The following NDST4 variants were observed in gnomAD, a reference collection of about 807,000 sequenced individuals.
The protein encoded by NDST4 is N-heparan sulfate sulfotransferase 4.
Under a neutral mutation model 100.8 loss-of-function variants are expected in NDST4, and 63 were observed. That is an observed-to-expected ratio of 0.62 (90% CI 0.51 to 0.77). NDST4 has a LOEUF of 0.77. NDST4 is among the 30% of genes least tolerant of loss of function. The pLI, the probability that NDST4 is intolerant of heterozygous loss-of-function variation, is 0.00. For missense variants in NDST4, 943 were observed against 1,018.4 expected (o/e 0.93, Z 1.01); for synonymous variants, 377 against 361.8 (o/e 1.04, Z -0.48).
At chr4:114,998,021 C>T (rs1727203650) in intron 2 of NDST4, among the ~76,000 whole-genome samples, 1 of 152,042 alleles carries the variant, frequency 6.6e-6, no homozygotes, top group African/African-American at 2.4e-5. Flanking sequence ...TCTAGGTATC[C>T]TCCACTGATG....
At chr4:114,867,665 C>CAAAAAAAAAAAAAAAAAAAAGAAAA in intron 7 of NDST4, among the ~76,000 whole-genome samples, 2 of 79,900 alleles carry the variant, frequency 2.5e-5, no homozygotes, top group African/African-American at 9.8e-5. Context: ...AAAAAAAAAG[C>CAAAAAAAAAAAAAAAAAAAAGAAAA]AAAAAAAAAA....
At chr4:114,833,771 T>C (rs1560769662) in intron 11 of NDST4, 56 bp from the exon 12 acceptor site, 8 of 1,100,028 alleles carry the variant, frequency 7.3e-6, no homozygotes, top group Non-Finnish European at 1.1e-5. Context: ...GAATAGACTG[T>C]GATGCCTTCC....
At position 115,033,136 on chromosome 4, in the gene NDST4, T is replaced by C. The variant is rs1208941983; in HGVS notation, c.978+42923A>G. ...CAAAAATTATATATATATGTGTATA[T>C]ATATATATATATATATATATATTTT... On this transcript the variant is annotated intron_variant, in intron 2 of 13. Transcript: ENST00000264363. 2.1e-4 allele frequency among the ~76,000 whole-genome samples: 18 copies of C among 86,890 alleles called. No homozygotes were observed. In the South Asian group the frequency reaches 7.5e-3, roughly 36 times the overall value. The allele number at this position is 86,890 out of a possible 152,430, so 57.0% of individuals were successfully genotyped here.
At chr4:114,920,920 C>A (rs1449323534) in intron 6 of NDST4, among the ~76,000 whole-genome samples, 2 of 152,130 alleles carry the variant, frequency 1.3e-5, no homozygotes, top group African/African-American at 4.8e-5. Flanking sequence ...TTAAATTCAT[C>A]TCAGCCCTCT....
At chr4:115,072,841 T>C (rs1319129353) in intron 2 of NDST4, among the ~76,000 whole-genome samples, 2 of 151,772 alleles carry the variant, frequency 1.3e-5, no homozygotes, top group Non-Finnish European at 2.9e-5. Flanking sequence ...TGGAATTACA[T>C]CAAGCAAAAA....
chr4:114,900,450 G>C (rs1197757702), intron 6 of NDST4, among the ~76,000 whole-genome samples: 4 of 152,166 alleles, frequency 2.6e-5, no homozygotes, highest in African/African-American at 9.6e-5. Context: ...ACATAACAGT[G>C]TTTTAGTCAA....
chr4:114,851,261 A>T (rs1723670128), intron 8 of NDST4, among the ~76,000 whole-genome samples: 1 of 152,194 alleles, frequency 6.6e-6, no homozygotes, highest in South Asian at 2.1e-4. Context: ...AAGAAGAACA[A>T]ACTATGACTT....
At chr4:115,025,589 C>T (rs1417467845) in intron 2 of NDST4, among the ~76,000 whole-genome samples, 1 of 151,990 alleles carries the variant, frequency 6.6e-6, no homozygotes, top group Non-Finnish European at 1.5e-5. Context: ...TTCATAATGG[C>T]CATAATCAGA....
chr4:115,070,572 A>G (rs186181669), intron 2 of NDST4, among the ~76,000 whole-genome samples: 1 of 152,274 alleles, frequency 6.6e-6, no homozygotes, highest in East Asian at 1.9e-4. Flanking sequence ...ATATATCTTG[A>G]GTTTTTAGGT....
chr4:115,006,837 A>G (rs1727430248), intron 2 of NDST4, among the ~76,000 whole-genome samples: 1 of 152,112 alleles, frequency 6.6e-6, no homozygotes, highest in African/African-American at 2.4e-5. Context: ...GCACCTTGGG[A>G]ACACTTAATG....
chr4:114,949,148 C>T (rs1725934021), intron 4 of NDST4, among the ~76,000 whole-genome samples: 2 of 151,942 alleles, frequency 1.3e-5, no homozygotes, highest in African/African-American at 4.8e-5. Flanking sequence ...TTATTGACCA[C>T]TTCAAGAATC....
At chr4:114,842,590 G>A (rs1388260111) in intron 10 of NDST4, 4 of 173,848 alleles carry the variant, frequency 2.3e-5, no homozygotes, top group Admixed American at 7.4e-5. Context: ...AGGAGATTGG[G>A]GAAAACACGA....
chr4:114,999,391 T>C (rs1727234040), intron 2 of NDST4, among the ~76,000 whole-genome samples: 1 of 152,102 alleles, frequency 6.6e-6, no homozygotes, highest in Non-Finnish European at 1.5e-5. Flanking sequence ...AATACTCATA[T>C]CTACTTCCTA....
intron 2 of NDST4, among the ~76,000 whole-genome samples, chr4:115,026,046 C>T (rs1007663790): frequency 3.9e-5 from 6 of 151,960 alleles, no homozygotes; most frequent in African/African-American, 1.4e-4. Flanking sequence ...TATTTAGAGC[C>T]CTTTTCCTCC....
chr4:114,902,248 C>T (rs980143269), intron 6 of NDST4, among the ~76,000 whole-genome samples: 1 of 151,940 alleles, frequency 6.6e-6, no homozygotes, highest in East Asian at 1.9e-4. Flanking sequence ...AAAATTTTTT[C>T]GCACATGTCT....
chr4:114,852,766 T>G lies in NDST4; in HGVS notation c.1775A>C (p.Asp592Ala), dbSNP rs199534646. 2 of 1,612,830 alleles carry G rather than the reference T, an allele frequency of 1.2e-6. No homozygotes were observed. Among genetic ancestry groups the G allele is most frequent in the Non-Finnish European group, 1.7e-6 (2 of 1,179,286 alleles). ...AATTACTAGAAATTTTGGTAAGTGGTCACAAGTTTTCTCTCTGGACCAGAT... is the reference window on the plus strand; with the variant it reads ...AATTACTAGAAATTTTGGTAAGTGGGCACAAGTTTTCTCTCTGGACCAGAT... ...KDIWSREKTCDHLPKFLVIGP... is the reference protein window; with the variant it reads ...KDIWSREKTCAHLPKFLVIGP... The change falls in exon 8 of 14, where the codon GAC becomes GCC. Residue 592 changes from aspartate (D) to alanine (A), a missense_variant. Asp to Ala is a moderately radical substitution (Grantham distance 126). Coordinates refer to ENST00000264363, the MANE Select transcript of NDST4 (RefSeq NM_022569.3).
At chr4:114,927,836 G>C (rs2126221778) in intron 6 of NDST4, among the ~76,000 whole-genome samples, 1 of 152,238 alleles carries the variant, frequency 6.6e-6, no homozygotes, top group Admixed American at 6.5e-5. Flanking sequence ...TGGCTTTTAT[G>C]TTTTAGAATT....
chr4:114,923,240 T>A (rs1026403247), intron 6 of NDST4, among the ~76,000 whole-genome samples: 20 of 152,294 alleles, frequency 1.3e-4, no homozygotes, highest in African/African-American at 4.8e-4. Flanking sequence ...TAGGAAAATA[T>A]CAACATGTTT....
chr4:115,024,011 C>G (rs1478830906), intron 2 of NDST4, among the ~76,000 whole-genome samples: 1 of 152,118 alleles, frequency 6.6e-6, no homozygotes, highest in East Asian at 1.9e-4. Context: ...CTGGAAGGTA[C>G]AAGTTGGCAG....
Sources: gnomAD v4.1 joint callset for allele counts (sites outside exome capture counted in the v4.1 genomes callset) on GRCh38, gnomAD v4.1.1 for gene constraint, MANE v1.5 for transcripts, NCBI Gene and HGNC (gene_info 2026-07-23, HGNC 2026-07-21) for gene names.